CLSTN1: variants seen among roughly 807,000 people sequenced by gnomAD.
CLSTN1 encodes calsyntenin 1.
A neutral mutation model predicts 108.3 loss-of-function variants in CLSTN1; 28 were observed. The ratio of observed to expected loss-of-function variants is 0.26; its 90% confidence interval spans 0.19 to 0.35. The LOEUF is 0.35. Among genes scored for constraint, CLSTN1 ranks in the 10% least tolerant of loss-of-function variants. The probability of loss-of-function intolerance (pLI) is 1.00; values close to 1 mark genes in which losing one functional copy is unlikely to be tolerated. For synonymous variants in CLSTN1, 524 were observed against 534.9 expected (o/e 0.98, Z 0.28); for missense variants, 1,157 against 1,302.6 (o/e 0.89, Z 1.72).
chr1:9,789,814 G>T lies in CLSTN1; in HGVS notation c.92-16420C>A, dbSNP rs535248704. ...GGCAACATGGCGAAACCCGTCTCTA[G>T]TAAAAAATACAAAAATTAGCCAGGC... On this transcript the variant is annotated intron_variant, in intron 1 of 18. Transcript: ENST00000377298. Among the ~76,000 whole-genome samples, 13 of 151,224 alleles carry T rather than the reference G, an allele frequency of 8.6e-5. 1 individual carries two copies. The South Asian group carries it at 1.1e-3, about 13-fold the overall frequency.
intron 2 of CLSTN1, among the ~76,000 whole-genome samples, chr1:9,757,520 C>A (rs1014322349): frequency 6.6e-6 from 1 of 152,076 alleles, no homozygotes; most frequent in Non-Finnish European, 1.5e-5. Context: ...GGATTACAGG[C>A]GTGAGCCACC....
chr1:9,736,604 C>T (rs182401693), intron 11 of CLSTN1, among the ~76,000 whole-genome samples: 3 of 152,130 alleles, frequency 2.0e-5, no homozygotes, highest in Admixed American at 6.6e-5. Flanking sequence ...GATGTTACAA[C>T]GAAAACCAAA....
chr1:9,820,543 A>C (rs1365524720), intron 1 of CLSTN1, among the ~76,000 whole-genome samples: 4 of 152,092 alleles, frequency 2.6e-5, no homozygotes, highest in East Asian at 1.9e-4. Flanking sequence ...ACAAAAAAAA[A>C]ACTTAAGTTT....
intron 1 of CLSTN1, among the ~76,000 whole-genome samples, chr1:9,799,414 G>A (rs1291165748): frequency 3.3e-5 from 5 of 152,086 alleles, no homozygotes. Flanking sequence ...GGCAGAGGCG[G>A]GTGGATCACG....
At chr1:9,813,167 A>C (rs1158215011) in intron 1 of CLSTN1, among the ~76,000 whole-genome samples, 2 of 152,104 alleles carry the variant, frequency 1.3e-5, no homozygotes, top group East Asian at 3.9e-4. Context: ...TCTGTCTAAT[A>C]AACAAAAAGA....
In CLSTN1 at chr1:9,729,135, C is replaced by T. The variant is rs1053020065; in HGVS notation, c.*1373G>A. 2.0e-5 allele frequency: 3 copies of T among 152,196 alleles called. No individual in the cohort carries two copies. The highest frequency in any genetic ancestry group is 6.5e-5 in the Admixed American group (1 of 15,280). 9.4% of individuals were successfully genotyped at this position (152,196 alleles called of 1,614,324 possible). A position where few individuals can be genotyped will look rare whatever the true frequency, so the allele number is the denominator to read the frequency against. ...CGACAGCGTGAGGACATCCCCTGGG[C>T]GTGAGCGTCTGTCCGCTGTCTAAAC... On this transcript the variant is annotated 3_prime_UTR_variant, in exon 19 of 19. Coordinates refer to ENST00000377298, the MANE Select transcript of CLSTN1 (RefSeq NM_001009566.3).
At chr1:9,742,899 C>A (rs2101092583) in intron 9 of CLSTN1, among the ~76,000 whole-genome samples, 1 of 152,002 alleles carries the variant, frequency 6.6e-6, no homozygotes, top group South Asian at 2.1e-4. Context: ...AAGCGAGACT[C>A]AGTCTCGGGG....
intron 1 of CLSTN1, among the ~76,000 whole-genome samples, chr1:9,773,662 A>AG (rs1652797175): frequency 6.6e-6 from 1 of 152,202 alleles, no homozygotes; most frequent in African/African-American, 2.4e-5. Context: ...GGAAAAAAAA[A>AG]GACTGATGGC....
chr1:9,821,211 C>A (rs1025160946), intron 1 of CLSTN1, among the ~76,000 whole-genome samples: 3 of 152,218 alleles, frequency 2.0e-5, no homozygotes, highest in Non-Finnish European at 4.4e-5. Flanking sequence ...CGGCTCACTG[C>A]AACCTCCGCC....
chr1:9,741,453 T>C (rs2101090109), intron 9 of CLSTN1, among the ~76,000 whole-genome samples, 197 bp from the exon 10 acceptor site: 1 of 152,310 alleles, frequency 6.6e-6, no homozygotes, highest in East Asian at 1.9e-4. Flanking sequence ...CTACGGGGGC[T>C]GCATTGCTCA....
At chr1:9,736,983 G>A (rs1650724762) in intron 11 of CLSTN1, among the ~76,000 whole-genome samples, 1 of 152,060 alleles carries the variant, frequency 6.6e-6, no homozygotes, top group African/African-American at 2.4e-5. Context: ...TGAAGCAGGA[G>A]AATTGCTTGC....
intron 1 of CLSTN1, among the ~76,000 whole-genome samples, chr1:9,786,209 A>G (rs17034335): frequency 0.14 from 21,712 of 152,086 alleles, 2,071 homozygotes; most frequent in South Asian, 0.3. Context: ...AAACACACAC[A>G]TTAAGTGTCA....
chr1:9,750,825 C>T (rs756241626), intron 5 of CLSTN1, among the ~76,000 whole-genome samples: 6 of 151,378 alleles, frequency 4.0e-5, no homozygotes, highest in Non-Finnish European at 7.4e-5. Context: ...CCAAGGTGGG[C>T]GGATCACCTG....
chr1:9,792,889 G>A (rs1429009179), intron 1 of CLSTN1, among the ~76,000 whole-genome samples: 4 of 151,370 alleles, frequency 2.6e-5, no homozygotes, highest in Non-Finnish European at 5.9e-5. Context: ...GCTAAGTTTT[G>A]TGAAACGGAG....
chr1:9,779,885 G>C (rs1220005473), intron 1 of CLSTN1, among the ~76,000 whole-genome samples: 1 of 151,330 alleles, frequency 6.6e-6, no homozygotes, highest in Non-Finnish European at 1.5e-5. Context: ...GTCTCACTCT[G>C]TGGTCCAGGC....
At chr1:9,776,856 CAGCATT>C (rs1453906850) in intron 1 of CLSTN1, among the ~76,000 whole-genome samples, 6 of 98,496 alleles carry the variant, frequency 6.1e-5, no homozygotes, top group South Asian at 6.1e-4. Flanking sequence ...TATCATCTAT[CAGCATT>C]TATCTATCTA....
chr1:9,816,577 G>GT (rs59680252), intron 1 of CLSTN1, among the ~76,000 whole-genome samples: 5 of 150,334 alleles, frequency 3.3e-5, no homozygotes, highest in African/African-American at 1.2e-4. Context: ...AAAAAGGTGG[G>GT]TTTTTTTGTT....
intron 4 of CLSTN1, among the ~76,000 whole-genome samples, chr1:9,753,618 A>ACGGG (rs1651664739): frequency 6.6e-6 from 1 of 151,734 alleles, no homozygotes; most frequent in Non-Finnish European, 1.5e-5. Flanking sequence ...CAGCCTCCCG[A>ACGGG]GAAGCAGGGA....
chr1:9,738,874 T>G (rs1454384497), intron 10 of CLSTN1, among the ~76,000 whole-genome samples: 1 of 152,044 alleles, frequency 6.6e-6, no homozygotes. Context: ...GTCTCGAAAT[T>G]CTCCTGACCT....
Sources: allele counts gnomAD v4.1 joint callset (sites outside exome capture counted in the v4.1 genomes callset), GRCh38; gene constraint gnomAD v4.1.1; transcripts MANE v1.5; gene names NCBI Gene and HGNC (gene_info 2026-07-23, HGNC 2026-07-21).